C6: variants seen among roughly 807,000 people sequenced by gnomAD.
C6 encodes the protein complement C6.
In C6, 101 loss-of-function variants were observed where a neutral mutation model predicts 112.9. The ratio of observed to expected loss-of-function variants is 0.89; its 90% confidence interval spans 0.76 to 1.06. The LOEUF is 1.06. Ranked by LOEUF, C6 falls within the 50% of genes least tolerant of loss-of-function variation. C6 has a pLI of 0.00. For missense variants in C6, 1,202 were observed against 1,104.6 expected (o/e 1.09, Z -1.25); for synonymous variants, 431 against 384.1 (o/e 1.12, Z -1.43).
At chr5:41,160,447 T>C in intron 10 of C6, 80 bp from the exon 11 acceptor site, 1 of 1,113,628 alleles carries the variant, frequency 9.0e-7, no homozygotes, top group Non-Finnish European at 1.4e-6. Context: ...TTCTCTGAAA[T>C]GAGAGGGAAA....
At chr5:41,202,537 C>A (rs2150367932) in intron 2 of C6, among the ~76,000 whole-genome samples, 1 of 152,248 alleles carries the variant, frequency 6.6e-6, no homozygotes, top group South Asian at 2.1e-4. Flanking sequence ...ATGCTTTTCT[C>A]CCCTAACATG....
At chr5:41,206,161 C>T (rs1751419924) in intron 1 of C6, among the ~76,000 whole-genome samples, 1 of 152,228 alleles carries the variant, frequency 6.6e-6, no homozygotes, top group Non-Finnish European at 1.5e-5. Context: ...AGGGTCCTGA[C>T]TGTTAGAAGG....
At chr5:41,172,459 T>C (rs1748509836) in intron 8 of C6, 112 bp from the exon 9 acceptor site, 3 of 997,374 alleles carry the variant, frequency 3.0e-6, no homozygotes, top group Non-Finnish European at 4.7e-6. Context: ...TTAGCCCCTC[T>C]CTTCCCCAGT....
At chr5:41,233,769 C>G (rs758504930) in intron 1 of C6, among the ~76,000 whole-genome samples, 5 of 152,074 alleles carry the variant, frequency 3.3e-5, no homozygotes, top group Non-Finnish European at 7.4e-5. Context: ...CTGAGACAAA[C>G]AGCAAAATCC....
intron 8 of C6, among the ~76,000 whole-genome samples, chr5:41,175,066 G>C (rs1580113894): frequency 6.6e-6 from 1 of 152,144 alleles, no homozygotes; most frequent in African/African-American, 2.4e-5. Flanking sequence ...TTCTAGCAGG[G>C]GAGTGCAGCT....
Position 41,149,281 on chromosome 5 carries a change from G to A in C6, c.2583C>T (p.Ser861=). ...AGTCATAGCAGGTGTCATAGCCACA[G>A]GATTCTTTCTTTGTGCTGTTGGATG... The part of the protein sequence containing the change: ...RLSSNSTKKE[S]CGYDTCYDWE... Residue 861 remains serine (S), a synonymous_variant, in exon 17 of 18, where the codon TCC becomes TCT. Coordinates refer to ENST00000337836, the MANE Select transcript of C6 (RefSeq NM_000065.5). The A allele has an allele frequency of 1.9e-6, 3 of 1,614,072 alleles. No homozygotes were observed. Among genetic ancestry groups the A allele is most frequent in the Non-Finnish European group, 2.5e-6 (3 of 1,179,966 alleles).
intron 5 of C6, among the ~76,000 whole-genome samples, chr5:41,192,831 C>CA (rs1750320937): frequency 6.6e-6 from 1 of 151,986 alleles, no homozygotes; most frequent in African/African-American, 2.4e-5. Flanking sequence ...TTTACATGAA[C>CA]AGAAAGTGAA....
At chr5:41,217,982 G>A (rs551610521), upstream of C6, among the ~76,000 whole-genome samples, 174 of 152,232 alleles carry the variant, frequency 1.1e-3, no homozygotes, top group Middle Eastern at 0.024. Context: ...TGTTTTGGTA[G>A]CATTTTATGG....
upstream of C6, among the ~76,000 whole-genome samples, chr5:41,216,499 A>G (rs1752200421): frequency 6.6e-6 from 1 of 151,964 alleles, no homozygotes; most frequent in South Asian, 2.1e-4. Flanking sequence ...CTTTGTATTG[A>G]TTGCTTCCTA....
At chr5:41,255,222 A>C (rs1741615453) in intron 1 of C6, among the ~76,000 whole-genome samples, 1 of 151,934 alleles carries the variant, frequency 6.6e-6, no homozygotes, top group Admixed American at 6.6e-5. Context: ...TTAGGCGGGC[A>C]TGGTGGTGGG....
At chr5:41,146,280 G>C (rs968834774) in intron 17 of C6, among the ~76,000 whole-genome samples, 2 of 152,012 alleles carry the variant, frequency 1.3e-5, no homozygotes, top group South Asian at 4.1e-4. Flanking sequence ...CTTTTGAAAG[G>C]TGACCTTCAT....
Position 41,242,633 on chromosome 5 carries a change from T to C in C6, c.-21+18561A>G, listed in dbSNP as rs567921157. On this transcript the variant is annotated intron_variant, in intron 1 of 17. Transcript: ENST00000263413. ...TTAAGAAATTGTTTTCAAACATCTT[T>C]ATATAAATTATGTTTCATTTCAAAA... Among the ~76,000 whole-genome samples the C allele has an allele frequency of 3.3e-5, 5 of 152,358 alleles. No homozygotes were observed. The South Asian group carries it at 6.2e-4, about 19-fold the overall frequency.
chr5:41,248,281 A>G (rs1331733602), intron 1 of C6, among the ~76,000 whole-genome samples: 1 of 152,234 alleles, frequency 6.6e-6, no homozygotes, highest in Non-Finnish European at 1.5e-5. Flanking sequence ...TTTATGATTA[A>G]GCCCTCAAAA....
At chr5:41,172,398 T>G (rs1158418722) in intron 8 of C6, 51 bp from the exon 9 acceptor site, 32 of 1,591,516 alleles carry the variant, frequency 2.0e-5, no homozygotes, top group Non-Finnish European at 2.8e-5. Flanking sequence ...CATTGACAAT[T>G]CAAAGAGGAA....
intron 1 of C6, among the ~76,000 whole-genome samples, chr5:41,245,383 G>C (rs117141031): frequency 6.6e-6 from 1 of 152,124 alleles, no homozygotes; most frequent in Admixed American, 6.5e-5. Context: ...TTAGCTGGGC[G>C]TGGTGGCAGA....
rs113477719 is a variant in C6, at chr5:41,149,240, C to T, written c.2623+1G>A. On this transcript the variant is annotated splice_donor_variant, in intron 17 of 17. Transcript: ENST00000337836. LOFTEE classifies it high-confidence loss of function. ...TTAGTATGGTCACCATTGGAACTTA[C>T]CTGAACATTTTTCCCAGTCATAGCA... The T allele has an allele frequency of 1.9e-6, 3 of 1,613,952 alleles. No homozygotes were observed. Among genetic ancestry groups the T allele is most frequent in the Non-Finnish European group, 2.5e-6 (3 of 1,179,904 alleles).
chr5:41,159,191 T>C lies in C6; in HGVS notation c.1747A>G (p.Arg583Gly), dbSNP rs141061499. The C allele has an allele frequency of 6.4e-5, 103 of 1,613,448 alleles. No individual in the cohort carries two copies. Among genetic ancestry groups the C allele is most frequent in the Non-Finnish European group, 3.9e-5 (46 of 1,179,726 alleles). ...TTATTGCATTCTCGGGTTCTCGATC[T>C]CTTATAAGTAGCATCACAGGTACTC... ...SWSTCDATYKRSRTRECNNPA... is the reference protein window; with the variant it reads ...SWSTCDATYKGSRTRECNNPA... The change falls in exon 12 of 18, where the codon AGA becomes GGA. Residue 583 changes from arginine to glycine, a missense_variant. Coordinates refer to ENST00000337836, the MANE Select transcript of C6 (RefSeq NM_000065.5).
At chr5:41,217,312 C>G (rs563126456), upstream of C6, among the ~76,000 whole-genome samples, 2 of 152,050 alleles carry the variant, frequency 1.3e-5, no homozygotes, top group Non-Finnish European at 2.9e-5. Context: ...TATTATTGCC[C>G]ACTCTTAGTC....
chr5:41,240,620 G>C (rs562694262), intron 1 of C6, among the ~76,000 whole-genome samples: 2 of 152,314 alleles, frequency 1.3e-5, no homozygotes, highest in South Asian at 4.1e-4. Flanking sequence ...CCCATCTTCA[G>C]GCCCCTGGGA....
Sources: gnomAD v4.1 joint callset for allele counts (sites outside exome capture counted in the v4.1 genomes callset) on GRCh38, gnomAD v4.1.1 for gene constraint, MANE v1.5 for transcripts, NCBI Gene and HGNC (gene_info 2026-07-23, HGNC 2026-07-21) for gene names.